The following ST6GALNAC1 variants were observed in gnomAD, a reference collection of about 807,000 sequenced individuals.
ST6GALNAC1 encodes the protein alpha-N-acetylgalactosaminide alpha-2,6-sialyltransferase 1.
In ST6GALNAC1, 45 loss-of-function variants were observed where a neutral mutation model predicts 56.8. That is an observed-to-expected ratio of 0.79 (90% CI 0.62 to 1.02). ST6GALNAC1 has a LOEUF of 1.02. ST6GALNAC1 is among the 50% of genes least tolerant of loss of function. The pLI, the probability that ST6GALNAC1 is intolerant of heterozygous loss-of-function variation, is 0.00. For missense variants in ST6GALNAC1, 743 were observed against 754.8 expected (o/e 0.98, Z 0.18); for synonymous variants, 295 against 297.8 (o/e 0.99, Z 0.10).
At chr17:76,621,502 A>T (rs2075740441), downstream of ST6GALNAC1, among the ~76,000 whole-genome samples, 1 of 150,652 alleles carries the variant, frequency 6.6e-6, no homozygotes, top group Non-Finnish European at 1.5e-5. Context: ...TTTGAGATGG[A>T]GTTTCGCTCT....
At chr17:76,635,884 C>T (rs753788323) in intron 1 of ST6GALNAC1, among the ~76,000 whole-genome samples, 4 of 152,208 alleles carry the variant, frequency 2.6e-5, no homozygotes, top group South Asian at 4.2e-4. Flanking sequence ...AAAGTGTCAT[C>T]GGTATGATAT....
intron 1 of ST6GALNAC1, among the ~76,000 whole-genome samples, chr17:76,636,717 C>T (rs2075978440): frequency 2.6e-5 from 4 of 152,010 alleles, no homozygotes; most frequent in South Asian, 4.1e-4. Flanking sequence ...ACCGCCGCCC[C>T]GTCTGGGAAG....
chr17:76,627,510 G>C lies in ST6GALNAC1; in HGVS notation c.905C>G (p.Thr302Ser). The C allele has an allele frequency of 6.2e-7, 1 of 1,614,204 alleles. No individual in the cohort carries two copies. Among genetic ancestry groups the C allele is most frequent in the Non-Finnish European group, 8.5e-7 (1 of 1,180,032 alleles). Residue 302 changes from threonine (T) to serine (S), a missense_variant, in exon 3 of 9, where the codon ACT becomes AGT. Physicochemically the swap from Thr to Ser is moderately conservative, Grantham distance 58. Transcript: ENST00000156626. This position sits in a 1 kb window ranked among gnomAD's most constrained non-coding sequence, Gnocchi z 4.4. ...GAAGTGTCTGGAGTCCAGGAAGAGA[G>C]TGAGGTTGGGCAGAAAGAGTTTCTG... ...WLQKLFLPNL[T>S]LFLDSRHFNQ...
chr17:76,626,991 G>A (rs965505333), intron 4 of ST6GALNAC1, 76 bp downstream of exon 4: 1 of 1,462,596 alleles, frequency 6.8e-7, no homozygotes, highest in Non-Finnish European at 9.1e-7. Context: ...CAGAAGAGGG[G>A]CAAGAGAGGG....
the ST6GALNAC1 span, among the ~76,000 whole-genome samples, chr17:76,618,654 G>A: frequency 3.3e-5 from 5 of 151,950 alleles, no homozygotes; most frequent in Admixed American, 1.3e-4. Flanking sequence ...GGTGGCAGGC[G>A]CATGTAGTCC....
At chr17:76,640,475 C>T (rs1336198452) in intron 1 of ST6GALNAC1, among the ~76,000 whole-genome samples, 4 of 152,142 alleles carry the variant, frequency 2.6e-5, no homozygotes, top group Non-Finnish European at 4.4e-5. Context: ...CATTCCCACC[C>T]CAAAACATCG....
intron 8 of ST6GALNAC1, 141 bp downstream of exon 8, chr17:76,625,678 T>G: frequency 8.8e-7 from 1 of 1,138,234 alleles, no homozygotes; most frequent in Non-Finnish European, 1.2e-6. Context: ...CACGCATAAC[T>G]GCATGCACCC....
Position 76,625,278 on chromosome 17 carries a change from T to C in ST6GALNAC1, c.*52A>G, listed in dbSNP as rs2075778815. ...GGCCAAAGAGTCTCAAGATTCCCAC[T>C]GTATCCTGTGCCTTGGAGCAGGCAA... On this transcript the variant is annotated 3_prime_UTR_variant, in exon 9 of 9. Transcript: ENST00000156626. 6.3e-7 allele frequency: 1 copy of C among 1,581,140 alleles called. No individual in the cohort carries two copies. Among genetic ancestry groups the C allele is most frequent in the East Asian group, 2.3e-5 (1 of 43,658 alleles).
chr17:76,625,616 T>G (rs1598287279), intron 8 of ST6GALNAC1, 89 bp from the exon 9 acceptor site: 1 of 1,480,166 alleles, frequency 6.8e-7, no homozygotes, highest in African/African-American at 1.4e-5. Context: ...GGGGTGGGGG[T>G]TCTTTTCCCT....
chr17:76,637,609 A>T, intron 1 of ST6GALNAC1: 1 of 398,800 alleles, frequency 2.5e-6, no homozygotes, highest in Non-Finnish European at 4.4e-6. Context: ...CACATAAGCC[A>T]GGTGGACCTG....
At chr17:76,617,613 T>G in the ST6GALNAC1 span, among the ~76,000 whole-genome samples, 1 of 151,738 alleles carries the variant, frequency 6.6e-6, no homozygotes, top group Admixed American at 6.6e-5. Flanking sequence ...CTACAAAAAG[T>G]TTTTAAAAAT....
At chr17:76,641,559 C>A (rs1482303598) in intron 1 of ST6GALNAC1, among the ~76,000 whole-genome samples, 5 of 152,166 alleles carry the variant, frequency 3.3e-5, no homozygotes, top group African/African-American at 1.2e-4. Context: ...GAAACACTTT[C>A]ACCTATCTGA....
chr17:76,625,068 T>G lies in ST6GALNAC1; in HGVS notation c.*262A>C. On this transcript the variant is annotated 3_prime_UTR_variant, in exon 9 of 9. Coordinates refer to ENST00000156626, the MANE Select transcript of ST6GALNAC1 (RefSeq NM_018414.5). ...TGGAAGAGTGTTTTTCAGCAGGAAT[T>G]GTGGTATTGGCCACCCATCACCCCA... 1 of 490,248 alleles carries G rather than the reference T, an allele frequency of 2.0e-6. No homozygotes were observed. Among genetic ancestry groups the G allele is most frequent in the South Asian group, 3.2e-5 (1 of 31,174 alleles). The allele number at this position is 490,248 out of a possible 1,614,324, so 30.4% of individuals were successfully genotyped here. A position where few individuals can be genotyped will look rare whatever the true frequency, so the allele number is the denominator to read the frequency against.
At position 76,627,311 on chromosome 17, in the gene ST6GALNAC1, G is replaced by T; in HGVS notation, c.1001-73C>A. On this transcript the variant is annotated intron_variant, in intron 3 of 8. Coordinates refer to ENST00000156626, the MANE Select transcript of ST6GALNAC1 (RefSeq NM_018414.5). This position sits in a 1 kb window ranked among gnomAD's most constrained non-coding sequence, Gnocchi z 4.4. The stretch of plus-strand genomic sequence containing the variant: ...GAGTCCGACCCATCATTCCTCCCAG[G>T]TCTGGCAAACCCCAGGGAAGAGGCA... 6.4e-7 allele frequency: 1 copy of T among 1,563,634 alleles called. No homozygotes were observed.
chr17:76,637,395 C>A, intron 1 of ST6GALNAC1: 1 of 274,692 alleles, frequency 3.6e-6, no homozygotes. Flanking sequence ...ACAAGGGTCC[C>A]TCATGTTGTC....
chr17:76,641,555 C>A lies in ST6GALNAC1; in HGVS notation c.131+1953G>T, dbSNP rs139807771. ...GAAATGCAAATTAAAAAGAGAAACA[C>A]TTTCACCTATCTGATGATTAAGACT... is the stretch of plus-strand genomic sequence containing the variant. On this transcript the variant is annotated intron_variant, in intron 1 of 8. Transcript: ENST00000156626. Among the ~76,000 whole-genome samples, 19 of 152,248 alleles carry A rather than the reference C, an allele frequency of 1.2e-4. 1 individual carries two copies. The East Asian group carries it at 3.7e-3, about 29-fold the overall frequency.
Position 76,626,021 on chromosome 17 carries a change from C to G in ST6GALNAC1, c.1490G>C (p.Arg497Pro), listed in dbSNP as rs151127625. ...CTGCTCTAACCTGTTCTTCATGTAT[C>G]GGAGAAAGTCTGGGTGCAGCAACAG... ...RYLLLHPDFL[R>P]YMKNRFLRSK... The change falls in exon 7 of 9, where the codon CGA becomes CCA. Residue 497 changes from arginine to proline, a missense_variant. Arg to Pro is a moderately radical substitution (Grantham distance 103). Transcript: ENST00000156626. 6.2e-7 allele frequency: 1 copy of G among 1,614,156 alleles called. No homozygotes were observed. Among genetic ancestry groups the G allele is most frequent in the Non-Finnish European group, 8.5e-7 (1 of 1,180,022 alleles).
intron 1 of ST6GALNAC1, among the ~76,000 whole-genome samples, chr17:76,641,084 TAAACTC>T (rs1261312022): frequency 1.3e-5 from 2 of 152,338 alleles, no homozygotes; most frequent in East Asian, 3.9e-4. Flanking sequence ...ACTAGGCAGA[TAAACTC>T]AAGTCGTAAA....
downstream of ST6GALNAC1, among the ~76,000 whole-genome samples, chr17:76,622,116 G>A (rs1206317229): frequency 6.6e-6 from 1 of 150,656 alleles, no homozygotes; most frequent in African/African-American, 2.4e-5. Context: ...CTCACTATGA[G>A]TCAAACTGAA....
Sources: gnomAD v4.1 joint callset for allele counts (sites outside exome capture counted in the v4.1 genomes callset) on GRCh38, gnomAD v4.1.1 for gene constraint, Gnocchi (gnomAD v3.1) non-coding constraint, MANE v1.5 for transcripts, NCBI Gene and HGNC (gene_info 2026-07-23, HGNC 2026-07-21) for gene names.